The following ITGA9 variants were observed in gnomAD, a reference collection of about 807,000 sequenced individuals.
ITGA9 encodes integrin alpha-9.
A neutral mutation model predicts 127.8 loss-of-function variants in ITGA9; 56 were observed. That is an observed-to-expected ratio of 0.44 (90% confidence interval 0.35 to 0.55). The LOEUF (loss-of-function observed/expected upper bound fraction) is 0.55, where lower values mean the gene tolerates loss of function less well. Among genes scored for constraint, ITGA9 ranks in the 20% least tolerant of loss-of-function variants. ITGA9 has a pLI of 0.00. For missense variants in ITGA9, 1,196 were observed against 1,347.1 expected (o/e 0.89, Z 1.76); for synonymous variants, 508 against 514.5 (o/e 0.99, Z 0.17).
chr3:37,462,644 T>C (rs977522818), intron 1 of ITGA9, among the ~76,000 whole-genome samples: 2 of 152,046 alleles, frequency 1.3e-5, no homozygotes, highest in African/African-American at 4.8e-5. Context: ...TCCACCTCCA[T>C]CAAGGCCCTG....
chr3:37,517,428 T>G (rs1698994474), intron 9 of ITGA9, 76 bp from the exon 10 acceptor site: 1 of 1,194,664 alleles, frequency 8.4e-7, no homozygotes, highest in African/African-American at 1.5e-5. Context: ...CAAACTCTGG[T>G]TTTTTATTGA....
chr3:37,509,347 T>C (rs1241939180), intron 8 of ITGA9, among the ~76,000 whole-genome samples: 1 of 152,166 alleles, frequency 6.6e-6, no homozygotes, highest in Non-Finnish European at 1.5e-5. Context: ...ATGCACTTCT[T>C]GTGTGGCTTA....
chr3:37,546,320 G>A (rs996098427), intron 15 of ITGA9, among the ~76,000 whole-genome samples: 15 of 152,280 alleles, frequency 9.9e-5, no homozygotes, highest in African/African-American at 3.1e-4. Flanking sequence ...TACTAGCACC[G>A]CGCTGGAACT....
intron 15 of ITGA9, among the ~76,000 whole-genome samples, chr3:37,612,005 G>C (rs1700021449): frequency 6.6e-6 from 1 of 151,984 alleles, no homozygotes. Flanking sequence ...CAGGGGCCCT[G>C]GGGTGATTTT....
At chr3:37,648,266 C>G (rs545588351) in intron 16 of ITGA9, among the ~76,000 whole-genome samples, 2 of 152,032 alleles carry the variant, frequency 1.3e-5, no homozygotes, top group African/African-American at 4.8e-5. Flanking sequence ...TTGAATTTCC[C>G]TGATGATTAG....
At chr3:37,696,499 C>T (rs1175904662) in intron 18 of ITGA9, among the ~76,000 whole-genome samples, 1 of 152,214 alleles carries the variant, frequency 6.6e-6, no homozygotes, top group South Asian at 2.1e-4. Context: ...AGAGGTGCCA[C>T]AGCTCCATAC....
chr3:37,486,676 A>G (rs987500062), intron 4 of ITGA9, among the ~76,000 whole-genome samples: 2 of 152,242 alleles, frequency 1.3e-5, no homozygotes, highest in Non-Finnish European at 2.9e-5. Context: ...TTGGCAAGTT[A>G]TAATTTCTCA....
intron 4 of ITGA9, among the ~76,000 whole-genome samples, chr3:37,488,638 A>G (rs1230376740): frequency 2.0e-5 from 3 of 151,890 alleles, no homozygotes; most frequent in Non-Finnish European, 4.4e-5. Context: ...CTCTACTAAA[A>G]AATACAAAAA....
chr3:37,766,395 T>G (rs763967616), intron 23 of ITGA9, among the ~76,000 whole-genome samples: 105 of 152,186 alleles, frequency 6.9e-4, no homozygotes, highest in Non-Finnish European at 1.1e-3. Flanking sequence ...ACTTGAGACT[T>G]AATGAAGGAC....
In ITGA9 at chr3:37,629,303, G is replaced by A; in HGVS notation, c.1806G>A (p.Trp602Ter). ...CGCCTCTGACACCAGTTCTCCGCTG[G>A]AAAAAGGGACAAAAGATTGCCCAAA... The part of the protein sequence containing the change: ...ELPPLTPVLR[W>*]KKGQKIAQKN... The change falls in exon 16 of 28, where the codon TGG becomes TGA. Residue 602 changes from tryptophan to a stop codon, truncating the protein, a stop_gained. Transcript: ENST00000264741. LOFTEE classifies it high-confidence loss of function. The surrounding 1 kb of genome is among the most constrained non-coding windows in gnomAD (Gnocchi z 4.5). 2 of 1,614,056 alleles carry A rather than the reference G, an allele frequency of 1.2e-6. No individual in the cohort carries two copies. Among genetic ancestry groups the A allele is most frequent in the Non-Finnish European group, 1.7e-6 (2 of 1,180,022 alleles).
chr3:37,695,790 C>A (rs1700878828), intron 18 of ITGA9, among the ~76,000 whole-genome samples: 2 of 152,202 alleles, frequency 1.3e-5, no homozygotes, highest in Non-Finnish European at 2.9e-5. Flanking sequence ...ACAGAAAAGC[C>A]ACCTTTTTTA....
chr3:37,523,051 C>G (rs1448339752), intron 11 of ITGA9, among the ~76,000 whole-genome samples: 8 of 152,168 alleles, frequency 5.3e-5, no homozygotes. Flanking sequence ...AATTACCTGT[C>G]TGTCTAGGGA....
At chr3:37,713,950 C>G (rs1187270443) in intron 18 of ITGA9, among the ~76,000 whole-genome samples, 2 of 152,222 alleles carry the variant, frequency 1.3e-5, no homozygotes, top group Non-Finnish European at 2.9e-5. Flanking sequence ...ATTTCCTCCC[C>G]TGGTAGAAAT....
chr3:37,659,009 C>G (rs1441447576), intron 17 of ITGA9, among the ~76,000 whole-genome samples: 1 of 152,204 alleles, frequency 6.6e-6, no homozygotes, highest in Admixed American at 6.5e-5. Context: ...TTGGCCCCCA[C>G]TCTCTGCTGG....
chr3:37,484,313 A>C (rs1279805346), intron 4 of ITGA9, among the ~76,000 whole-genome samples: 1 of 152,130 alleles, frequency 6.6e-6, no homozygotes, highest in Non-Finnish European at 1.5e-5. Context: ...GAAGATGCTG[A>C]GTATTTTTCT....
chr3:37,465,957 C>T (rs925471848), intron 1 of ITGA9, among the ~76,000 whole-genome samples: 2 of 152,032 alleles, frequency 1.3e-5, no homozygotes, highest in African/African-American at 2.4e-5. Flanking sequence ...TACTGGGGTG[C>T]GTGCTACAGC....
chr3:37,699,852 C>A (rs1430240821), intron 18 of ITGA9, among the ~76,000 whole-genome samples: 1 of 152,208 alleles, frequency 6.6e-6, no homozygotes, highest in Non-Finnish European at 1.5e-5. Context: ...AGGCACATAG[C>A]CCACTCCCCA....
intron 18 of ITGA9, among the ~76,000 whole-genome samples, chr3:37,697,104 T>C (rs1172778393): frequency 6.6e-6 from 1 of 152,090 alleles, no homozygotes; most frequent in Non-Finnish European, 1.5e-5. Context: ...AAAGAGAATA[T>C]GTCTGTATAC....
Position 37,515,659 on chromosome 3 carries a change from C to A in ITGA9, c.1035+1759C>A, listed in dbSNP as rs141150890. ...GCTGAGGTGGGAGGATTGTTTGAGCCCAGGAGGTGGAGGCTGCAGTGAGCC... is the reference window on the plus strand; with the variant it reads ...GCTGAGGTGGGAGGATTGTTTGAGCACAGGAGGTGGAGGCTGCAGTGAGCC... On this transcript the variant is annotated intron_variant, in intron 9 of 27. Transcript: ENST00000264741. Among the ~76,000 whole-genome samples the A allele has an allele frequency of 1.2e-3, 180 of 152,230 alleles. 1 individual carries two copies. Among genetic ancestry groups the A allele is most frequent in the Non-Finnish European group, 1.9e-3 (132 of 68,012 alleles).
Sources: allele counts gnomAD v4.1 joint callset (sites outside exome capture counted in the v4.1 genomes callset), GRCh38; gene constraint gnomAD v4.1.1; non-coding constraint Gnocchi (gnomAD v3.1); transcripts MANE v1.5; gene names NCBI Gene and HGNC (gene_info 2026-07-23, HGNC 2026-07-21).